ESYT2: variants seen among roughly 807,000 people sequenced by gnomAD.
The protein encoded by ESYT2 is extended synaptotagmin-2.
Under a neutral mutation model 107.2 loss-of-function variants are expected in ESYT2, and 54 were observed. That is an observed-to-expected ratio of 0.50 (90% CI 0.40 to 0.63). ESYT2 has a LOEUF of 0.63. ESYT2 is among the 30% of genes least tolerant of loss of function. The probability of loss-of-function intolerance (pLI) is 0.00; values close to 1 mark genes in which losing one functional copy is unlikely to be tolerated. For missense variants in ESYT2, 1,020 were observed against 1,094.5 expected (o/e 0.93, Z 0.96); for synonymous variants, 491 against 434.1 (o/e 1.13, Z -1.63).
intron 7 of ESYT2, among the ~76,000 whole-genome samples, chr7:158,771,441 G>C (rs1016841650): frequency 1.3e-5 from 2 of 152,260 alleles, no homozygotes; most frequent in Admixed American, 6.5e-5. Flanking sequence ...TTCTGTAGGG[G>C]TGTATGTGAG....
chr7:158,789,867 C>A (rs1448519655), intron 4 of ESYT2, among the ~76,000 whole-genome samples: 1 of 152,126 alleles, frequency 6.6e-6, no homozygotes, highest in African/African-American at 2.4e-5. Context: ...TAAATGTGAG[C>A]AGGATACTTG....
intron 6 of ESYT2, among the ~76,000 whole-genome samples, chr7:158,781,872 C>T (rs958406031): frequency 4.4e-5 from 3 of 68,942 alleles, no homozygotes; most frequent in Admixed American, 1.7e-4. Flanking sequence ...AGTGTAAGAA[C>T]GAGAACAAGT....
At chr7:158,806,135 C>CA (rs879897131) in intron 1 of ESYT2, among the ~76,000 whole-genome samples, 10 of 148,632 alleles carry the variant, frequency 6.7e-5, no homozygotes, top group East Asian at 1.9e-4. Context: ...GTGGGAGGTG[C>CA]CGGGGCACAC....
chr7:158,778,316 A>G (rs1456858775), intron 6 of ESYT2, among the ~76,000 whole-genome samples: 1 of 152,200 alleles, frequency 6.6e-6, no homozygotes, highest in Non-Finnish European at 1.5e-5. Context: ...TGGACTTGTT[A>G]AAATATTTGG....
At chr7:158,781,395 A>C (rs976980607) in intron 6 of ESYT2, among the ~76,000 whole-genome samples, 4 of 149,732 alleles carry the variant, frequency 2.7e-5, no homozygotes, top group East Asian at 3.9e-4. Context: ...AGTGTTGAGA[A>C]CAAAGTGTGA....
chr7:158,788,546 C>G (rs1182972111), intron 4 of ESYT2, 129 bp from the exon 5 acceptor site: 3 of 778,166 alleles, frequency 3.9e-6, no homozygotes, highest in Non-Finnish European at 4.0e-6. Context: ...AGGTAAAAAC[C>G]CTAAAATGTG....
At chr7:158,827,056 G>C (rs192783361) in intron 1 of ESYT2, among the ~76,000 whole-genome samples, 1 of 151,404 alleles carries the variant, frequency 6.6e-6, no homozygotes, top group Non-Finnish European at 1.5e-5. Flanking sequence ...CCAGCTACTC[G>C]GGAGGCTGAG....
intron 3 of ESYT2, 132 bp from the exon 4 acceptor site, chr7:158,793,858 T>C: frequency 1.4e-6 from 1 of 726,868 alleles, no homozygotes; most frequent in South Asian, 1.9e-5. Flanking sequence ...TCTGCCTTCA[T>C]AACAGAGTGT....
At chr7:158,776,434 A>T (rs1838565025) in intron 6 of ESYT2, among the ~76,000 whole-genome samples, 1 of 152,246 alleles carries the variant, frequency 6.6e-6, no homozygotes, top group African/African-American at 2.4e-5. Flanking sequence ...CACCTTTATC[A>T]ATGATCTTAG....
chr7:158,786,355 A>G (rs954364190), intron 6 of ESYT2, among the ~76,000 whole-genome samples: 2 of 152,226 alleles, frequency 1.3e-5, no homozygotes, highest in Admixed American at 6.5e-5. Flanking sequence ...TGTTAAGATT[A>G]CTGAGGTTTT....
chr7:158,742,397 G>A (rs1837246567), intron 17 of ESYT2, among the ~76,000 whole-genome samples: 2 of 152,190 alleles, frequency 1.3e-5, no homozygotes, highest in South Asian at 2.1e-4. Context: ...TAACACTTCT[G>A]CGTATTCCTC....
rs2129472128 is a variant in ESYT2 at position 158,761,614 on chromosome 7, TA to T, written c.1185-71del. 10 of 1,389,612 alleles carry T rather than the reference TA, an allele frequency of 7.2e-6. No homozygotes were observed. In the South Asian group the frequency reaches 1.2e-4, roughly 16 times the overall value. 86.1% of individuals were successfully genotyped at this position (1,389,612 alleles called of 1,614,324 possible). A position where few individuals can be genotyped will look rare whatever the true frequency, so the allele number is the denominator to read the frequency against. On this transcript the variant is annotated intron_variant, in intron 10 of 22. Coordinates refer to ENST00000275418, the MANE Select transcript of ESYT2 (RefSeq NM_001367773.1). ...TTCTTACTGAAACAACTTTAAAACA[TA>T]GAAAACACATTTCTTCCTGAAACAA...
intron 1 of ESYT2, among the ~76,000 whole-genome samples, chr7:158,802,342 A>C (rs1457192477): frequency 6.6e-6 from 1 of 152,026 alleles, no homozygotes; most frequent in Non-Finnish European, 1.5e-5. Flanking sequence ...GCTGGAGTGC[A>C]GTGGCACGAT....
chr7:158,754,341 G>C (rs1217017488), intron 13 of ESYT2, among the ~76,000 whole-genome samples: 1 of 151,970 alleles, frequency 6.6e-6, no homozygotes, highest in Non-Finnish European at 1.5e-5. Context: ...CAAAAAGCTG[G>C]GACTACAGGC....
intron 3 of ESYT2, among the ~76,000 whole-genome samples, chr7:158,796,949 G>GGGAAACGCACCCGGT (rs1563026304): frequency 9.4e-5 from 14 of 149,310 alleles, no homozygotes; most frequent in South Asian, 6.4e-4. Flanking sequence ...GAGCCTGAGT[G>GGGAAACGCACCCGGT]ACAGAGACAG....
chr7:158,736,794 G>A (rs900580535), intron 20 of ESYT2, among the ~76,000 whole-genome samples: 10 of 152,178 alleles, frequency 6.6e-5, no homozygotes, highest in African/African-American at 2.4e-4. Flanking sequence ...AGGGCCATCA[G>A]TAACCTGATC....
chr7:158,777,099 G>C (rs1838595758), intron 6 of ESYT2, among the ~76,000 whole-genome samples: 1 of 151,906 alleles, frequency 6.6e-6, no homozygotes, highest in African/African-American at 2.4e-5. Flanking sequence ...CTGACCTCAA[G>C]TGATCCGCCC....
Position 158,788,077 on chromosome 7 carries a change from C to T in ESYT2, c.674G>A (p.Arg225Gln), listed in dbSNP as rs765244151. The T allele has an allele frequency of 2.5e-6, 4 of 1,613,960 alleles. No individual in the cohort carries two copies. The highest frequency in any genetic ancestry group is 2.2e-5 in the East Asian group (1 of 44,872). The change falls in exon 6 of 23, where the codon CGG (arginine) becomes CAG (glutamine). Residue 225 changes from arginine to glutamine, a missense_variant. Physicochemically the swap from Arg to Gln is conservative, Grantham distance 43. Transcript: ENST00000275418. ...TCCAATCAACGGTTCCAGGATCACC[C>T]GCATGGTACCATGAATCTAAACTCA... The part of the protein sequence containing the change: ...VKSIQIHGTM[R>Q]VILEPLIGDM...
intron 1 of ESYT2, among the ~76,000 whole-genome samples, chr7:158,813,730 CCT>C (rs1840050784): frequency 6.6e-6 from 1 of 152,202 alleles, no homozygotes. Context: ...AGGGAGAGCA[CCT>C]CTGTTCCTCG....
Sources: allele counts gnomAD v4.1 joint callset (sites outside exome capture counted in the v4.1 genomes callset), GRCh38; gene constraint gnomAD v4.1.1; transcripts MANE v1.5; gene names NCBI Gene and HGNC (gene_info 2026-07-23, HGNC 2026-07-21).